Variants in GABRA2 observed in about 807,000 individuals in gnomAD.
The protein encoded by GABRA2 is gamma-aminobutyric acid type A receptor subunit alpha2, also known as gamma-aminobutyric acid receptor subunit alpha-2.
Under a neutral mutation model 48.7 loss-of-function variants are expected in GABRA2, and 16 were observed. That is an observed-to-expected ratio of 0.33 (90% CI 0.22 to 0.50). The LOEUF is 0.50. Ranked by LOEUF, GABRA2 falls within the 20% of genes least tolerant of loss-of-function variation. The pLI, the probability that GABRA2 is intolerant of heterozygous loss-of-function variation, is 0.98. For missense variants in GABRA2, 275 were observed against 535.6 expected (o/e 0.51, Z 4.80); for synonymous variants, 185 against 184.5 (o/e 1.00, Z -0.02).
chr4:46,277,876 G>T (rs1357093457), intron 8 of GABRA2, among the ~76,000 whole-genome samples: 1 of 152,018 alleles, frequency 6.6e-6, no homozygotes, highest in East Asian at 1.9e-4. Flanking sequence ...CAGATCTCCT[G>T]ATATTTCATT....
intron 8 of GABRA2, among the ~76,000 whole-genome samples, chr4:46,265,180 A>G (rs1415950130): frequency 6.7e-6 from 1 of 149,210 alleles, no homozygotes; most frequent in African/African-American, 2.4e-5. Context: ...GGATTACAGG[A>G]GCACGCTACC....
intron 9 of GABRA2, among the ~76,000 whole-genome samples, chr4:46,259,310 G>A (rs1339171546): frequency 6.6e-6 from 1 of 151,768 alleles, no homozygotes; most frequent in Non-Finnish European, 1.5e-5. Context: ...TTCAGAGTTT[G>A]ATAATCTGAT....
intron 3 of GABRA2, among the ~76,000 whole-genome samples, chr4:46,346,751 T>C (rs1734206229): frequency 6.6e-6 from 1 of 151,572 alleles, no homozygotes; most frequent in African/African-American, 2.4e-5. Flanking sequence ...ATGTGCACAA[T>C]CACCACTTCT....
intron 3 of GABRA2, among the ~76,000 whole-genome samples, chr4:46,346,440 A>G (rs1734153599): frequency 6.6e-6 from 1 of 151,746 alleles, no homozygotes; most frequent in African/African-American, 2.4e-5. Flanking sequence ...TTTAGGTACA[A>G]TCATTTTTTA....
intron 8 of GABRA2, among the ~76,000 whole-genome samples, chr4:46,284,447 A>T (rs2109485861): frequency 6.6e-6 from 1 of 152,336 alleles, no homozygotes; most frequent in East Asian, 1.9e-4. Context: ...TTGTTCAAGG[A>T]TGTAAATAGC....
At chr4:46,290,186 C>A (rs28800541) in intron 8 of GABRA2, among the ~76,000 whole-genome samples, 1 of 151,444 alleles carries the variant, frequency 6.6e-6, no homozygotes, top group South Asian at 2.1e-4. Flanking sequence ...TTGCAGACGC[C>A]AGCCACCGCG....
At chr4:46,354,827 G>T (rs993086650) in intron 3 of GABRA2, among the ~76,000 whole-genome samples, 2 of 152,214 alleles carry the variant, frequency 1.3e-5, no homozygotes, top group Middle Eastern at 3.4e-3. Flanking sequence ...CACTTGTGGT[G>T]CCAGCGTATC....
At chr4:46,369,856 T>A (rs1714616524) in intron 3 of GABRA2, among the ~76,000 whole-genome samples, 1 of 152,112 alleles carries the variant, frequency 6.6e-6, no homozygotes, top group South Asian at 2.1e-4. Flanking sequence ...TATAAGTGGA[T>A]GGTAGTTATT....
chr4:46,333,794 G>A (rs1163414135), intron 3 of GABRA2, among the ~76,000 whole-genome samples: 1 of 151,952 alleles, frequency 6.6e-6, no homozygotes, highest in Non-Finnish European at 1.5e-5. Flanking sequence ...TTCAAAGAAA[G>A]GTAAGCAAAC....
chr4:46,324,846 G>C (rs1401720532), intron 4 of GABRA2, among the ~76,000 whole-genome samples: 1 of 151,580 alleles, frequency 6.6e-6, no homozygotes, highest in East Asian at 2.0e-4. Context: ...GTATTAATTT[G>C]CTTAGGGAAA....
intron 8 of GABRA2, among the ~76,000 whole-genome samples, chr4:46,297,476 C>CATATATATATATATATATATATATAT (rs56201706): frequency 1.0e-4 from 9 of 87,910 alleles, no homozygotes; most frequent in Non-Finnish European, 1.3e-4. Flanking sequence ...AATAAAATCC[C>CATATATATATATATATATATATATAT]ATATATATAT....
rs1577800429 is a variant in GABRA2, at chr4:46,262,076, A to G, written c.909T>C (p.Ser303=). The stretch of plus-strand genomic sequence containing the variant: ...CAGTTGCATAAGCCACTTTGGGGAG[A>G]GAATTCCGAGCACTGATGCTTAGAG... The part of the protein sequence containing the change: ...MTTLSISARN[S]LPKVAYATAM... Residue 303 remains serine (S), a synonymous_variant, in exon 9 of 10, where the codon TCT becomes TCC. Coordinates refer to ENST00000381620, the MANE Select transcript of GABRA2 (RefSeq NM_000807.4). The G allele has an allele frequency of 1.9e-6, 3 of 1,613,784 alleles. No homozygotes were observed.
chr4:46,335,721 T>A (rs191755035), intron 3 of GABRA2, among the ~76,000 whole-genome samples: 2 of 152,212 alleles, frequency 1.3e-5, no homozygotes, highest in East Asian at 3.9e-4. Context: ...TCCACCCACC[T>A]CGGCCTCCCA....
chr4:46,269,879 T>C (rs1718979477), intron 8 of GABRA2, among the ~76,000 whole-genome samples: 1 of 151,934 alleles, frequency 6.6e-6, no homozygotes, highest in African/African-American at 2.4e-5. Context: ...TGCTTTGCTT[T>C]TGTGATAAAA....
At chr4:46,268,330 C>T (rs958146404) in intron 8 of GABRA2, among the ~76,000 whole-genome samples, 3 of 151,778 alleles carry the variant, frequency 2.0e-5, no homozygotes, top group African/African-American at 7.2e-5. Context: ...TATATAAAAA[C>T]TCAAACACCT....
chr4:46,263,008 G>A (rs1466713745), intron 8 of GABRA2, among the ~76,000 whole-genome samples: 2 of 149,512 alleles, frequency 1.3e-5, no homozygotes. Context: ...GAGAAAGAAA[G>A]AAAGATATGT....
At chr4:46,259,425 GCC>G (rs2109340360) in intron 9 of GABRA2, among the ~76,000 whole-genome samples, 1 of 151,942 alleles carries the variant, frequency 6.6e-6, no homozygotes, top group South Asian at 2.1e-4. Context: ...AGGTAGCTCT[GCC>G]TTTTAATATA....
intron 9 of GABRA2, chr4:46,256,338 A>G (rs1287534088): frequency 2.9e-6 from 2 of 687,640 alleles, no homozygotes; most frequent in Middle Eastern, 2.4e-4. Flanking sequence ...ACTGAGTTGT[A>G]TGTTAATGTA....
At chr4:46,321,271 G>A (rs1245460626) in intron 4 of GABRA2, among the ~76,000 whole-genome samples, 10 of 151,804 alleles carry the variant, frequency 6.6e-5, no homozygotes, top group African/African-American at 2.4e-4. Context: ...GTCAATCAAA[G>A]GGTATAAAGC....
Sources: gnomAD v4.1 joint callset for allele counts (sites outside exome capture counted in the v4.1 genomes callset) on GRCh38, gnomAD v4.1.1 for gene constraint, MANE v1.5 for transcripts, NCBI Gene and HGNC (gene_info 2026-07-23, HGNC 2026-07-21) for gene names.